Variants in SOS2 observed in about 807,000 individuals in gnomAD.
SOS2 encodes SOS Ras/Rho guanine nucleotide exchange factor 2, also known as son of sevenless homolog 2.
A neutral mutation model predicts 148.2 loss-of-function variants in SOS2; 65 were observed. The observed-to-expected ratio is 0.44, with a 90% CI of 0.36 to 0.54. SOS2 has a LOEUF of 0.54. Ranked by LOEUF, SOS2 falls within the 20% of genes least tolerant of loss-of-function variation. The pLI is 0.00. For missense variants in SOS2, 1,341 were observed against 1,590.2 expected, an observed-to-expected ratio of 0.84 and a Z score of 2.67; for synonymous variants, 539 against 537.1, an observed-to-expected ratio of 1.00 and a Z score of -0.05.
intron 1 of SOS2, among the ~76,000 whole-genome samples, chr14:50,229,759 G>C (rs548517566): frequency 6.6e-6 from 1 of 152,338 alleles, no homozygotes; most frequent in South Asian, 2.1e-4. Context: ...CTACCAGAAA[G>C]TTATAAATGG....
intron 4 of SOS2, among the ~76,000 whole-genome samples, chr14:50,192,854 A>AAGAC (rs1886190630): frequency 6.6e-6 from 1 of 151,356 alleles, no homozygotes; most frequent in African/African-American, 2.5e-5. Flanking sequence ...AGAGAGTGAG[A>AAGAC]GTCTGTCTCA....
At chr14:50,145,135 C>A (rs1156832548) in intron 16 of SOS2, 35 bp downstream of exon 16, 4 of 1,263,062 alleles carry the variant, frequency 3.2e-6, no homozygotes, top group Non-Finnish European at 4.2e-6. Context: ...TTCATCATCC[C>A]CGAGAAAAAT....
intron 14 of SOS2, among the ~76,000 whole-genome samples, chr14:50,147,891 C>A (rs1006184870): frequency 2.0e-5 from 3 of 151,386 alleles, no homozygotes; most frequent in Non-Finnish European, 4.4e-5. Flanking sequence ...GAGGCCAAGG[C>A]AGGAGGACTG....
intron 18 of SOS2, 133 bp downstream of exon 18, chr14:50,138,479 A>C (rs1204462527): frequency 9.1e-6 from 4 of 437,868 alleles, no homozygotes; most frequent in African/African-American, 8.2e-5. Context: ...TTACTTTTAA[A>C]TCTGCAATTA....
intron 4 of SOS2, among the ~76,000 whole-genome samples, chr14:50,191,294 A>G (rs1450809596): frequency 1.3e-5 from 2 of 151,828 alleles, no homozygotes; most frequent in East Asian, 1.9e-4. Flanking sequence ...GCAAGATTCT[A>G]TCTCTACCAA....
intron 22 of SOS2, among the ~76,000 whole-genome samples, chr14:50,119,322 T>C (rs1162542297): frequency 6.6e-6 from 1 of 152,170 alleles, no homozygotes; most frequent in African/African-American, 2.4e-5. Context: ...AAGCAAATTC[T>C]TGGGCCCCAT....
chr14:50,137,431 C>A (rs1884117298), intron 18 of SOS2, among the ~76,000 whole-genome samples: 1 of 152,132 alleles, frequency 6.6e-6, no homozygotes, highest in Non-Finnish European at 1.5e-5. Context: ...GCATGGACAT[C>A]ATTCTACTTT....
Position 50,159,781 on chromosome 14 carries a change from T to C in SOS2, c.1502A>G (p.Asp501Gly). The change falls in exon 10 of 23, where the codon GAT (aspartate) becomes GGT (glycine). Residue 501 changes from aspartate to glycine, a missense_variant. Coordinates refer to ENST00000216373, the MANE Select transcript of SOS2 (RefSeq NM_006939.4). The part of the protein sequence containing the change: ...KFVMRKIQIC[D>G]KEDTCEHKHA... ...CTTGTGCTCACAAGTATCTTCTTTATCACAAATTTGTATTTTCCTCATGAC... is the reference window on the plus strand; with the variant it reads ...CTTGTGCTCACAAGTATCTTCTTTACCACAAATTTGTATTTTCCTCATGAC... 6.2e-7 allele frequency: 1 copy of C among 1,614,068 alleles called. No individual in the cohort carries two copies. Among genetic ancestry groups the C allele is most frequent in the South Asian group, 1.1e-5 (1 of 91,088 alleles).
intron 1 of SOS2, among the ~76,000 whole-genome samples, chr14:50,224,570 A>G (rs910803507): frequency 5.9e-5 from 9 of 152,046 alleles, no homozygotes; most frequent in Non-Finnish European, 1.0e-4. Flanking sequence ...TTAAGAAAGA[A>G]CTATAATATA....
intron 17 of SOS2, among the ~76,000 whole-genome samples, chr14:50,139,728 G>A (rs758118570): frequency 6.6e-6 from 1 of 152,096 alleles, no homozygotes; most frequent in Admixed American, 6.6e-5. Flanking sequence ...AGGTAGTACA[G>A]ACAAAATATT....
chr14:50,180,868 AAAAAG>A (rs1178601220), intron 6 of SOS2, among the ~76,000 whole-genome samples, 186 bp from the exon 7 acceptor site: 2 of 152,196 alleles, frequency 1.3e-5, no homozygotes, highest in African/African-American at 2.4e-5. Context: ...AATGAAAAGA[AAAAAG>A]AGAAGAGAAG....
chr14:50,201,748 C>T (rs993376512), intron 2 of SOS2, among the ~76,000 whole-genome samples: 1 of 152,118 alleles, frequency 6.6e-6, no homozygotes, highest in Non-Finnish European at 1.5e-5. Flanking sequence ...AGAGTTAAAA[C>T]TATTTACCTA....
At chr14:50,202,678 T>C (rs967750211) in intron 2 of SOS2, among the ~76,000 whole-genome samples, 1 of 152,064 alleles carries the variant, frequency 6.6e-6, no homozygotes, top group Admixed American at 6.6e-5. Flanking sequence ...AAGGCTACAG[T>C]GAGCTATGAT....
chr14:50,213,702 A>G (rs905604491), intron 1 of SOS2, among the ~76,000 whole-genome samples: 1 of 151,878 alleles, frequency 6.6e-6, no homozygotes, highest in African/African-American at 2.4e-5. Flanking sequence ...CAAAAATAGC[A>G]TTTACAGTCA....
At chr14:50,145,365 GT>G in intron 15 of SOS2, 33 bp from the exon 16 acceptor site, 1 of 1,577,836 alleles carries the variant, frequency 6.3e-7, no homozygotes, top group Non-Finnish European at 8.6e-7. Context: ...GCTTAGAAAA[GT>G]TTCTTCACCT....
intron 19 of SOS2, among the ~76,000 whole-genome samples, chr14:50,133,235 CTTTTTTCTTTTTTCT>C (rs1290280484): frequency 4.1e-5 from 5 of 122,642 alleles, no homozygotes; most frequent in African/African-American, 9.0e-5. Flanking sequence ...AACTTTTTTT[CTTTTTTCTTTTTTCT>C]TTTTTTTTTT....
chr14:50,223,330 T>G (rs1887253431), intron 1 of SOS2, among the ~76,000 whole-genome samples: 2 of 149,056 alleles, frequency 1.3e-5, no homozygotes, highest in East Asian at 2.0e-4. Context: ...GGCCCAGGAG[T>G]TGGAGACCAG....
At chr14:50,222,889 T>G (rs1321363476) in intron 1 of SOS2, among the ~76,000 whole-genome samples, 1 of 152,110 alleles carries the variant, frequency 6.6e-6, no homozygotes, top group Non-Finnish European at 1.5e-5. Context: ...CTCTTTGTGT[T>G]TGGGGAGAAA....
At chr14:50,133,239 T>TTC (rs1883954118) in intron 19 of SOS2, among the ~76,000 whole-genome samples, 1 of 87,512 alleles carries the variant, frequency 1.1e-5, no homozygotes, top group Non-Finnish European at 2.3e-5. Flanking sequence ...TTTTTTCTTT[T>TTC]TTCTTTTTTC....
Sources: allele counts gnomAD v4.1 joint callset (sites outside exome capture counted in the v4.1 genomes callset), GRCh38; gene constraint gnomAD v4.1.1; transcripts MANE v1.5; gene names NCBI Gene and HGNC (gene_info 2026-07-23, HGNC 2026-07-21).